Variants in CROCC2 observed in about 807,000 individuals in gnomAD.
CROCC2 encodes ciliary rootlet coiled-coil protein 2.
CROCC2 carries 163 observed loss-of-function variants against 177.6 expected under a neutral mutation model. The observed-to-expected ratio is 0.92, with a 90% CI of 0.81 to 1.05. The LOEUF is 1.05. CROCC2 is among the 50% of genes least tolerant of loss of function. CROCC2 has a pLI of 0.00. For synonymous variants in CROCC2, 904 were observed against 787.3 expected (o/e 1.15, Z -2.48); for missense variants, 1,929 against 1,797.8 (o/e 1.07, Z -1.32).
chr2:240,946,528 T>C (rs1394092645), intron 15 of CROCC2, among the ~76,000 whole-genome samples: 2 of 152,162 alleles, frequency 1.3e-5, no homozygotes, highest in Non-Finnish European at 2.9e-5. Flanking sequence ...AAGGCAGATG[T>C]GGAATGTCTT....
chr2:240,965,231 G>A, intron 22 of CROCC2, 150 bp from the exon 23 acceptor site: 3 of 1,175,884 alleles, frequency 2.6e-6, no homozygotes, highest in Non-Finnish European at 3.6e-6. Flanking sequence ...AACTCCCAGG[G>A]CAAGGTCCTT....
rs946441504 is a variant in CROCC2, at chr2:240,917,488, G to A, written c.79-1238G>A. ...GGGGACGCAAGCAGGGTCTCAGGGA[G>A]GGCCAAGAGATGGGAGGCAGGAGGC... On this transcript the variant is annotated intron_variant, in intron 1 of 31. Coordinates refer to ENST00000690015, the MANE Select transcript of CROCC2 (RefSeq NM_001351305.2). The surrounding 1 kb of genome is among the most constrained non-coding windows in gnomAD (Gnocchi z 4.9). Among the ~76,000 whole-genome samples, 1 of 152,176 alleles carries A rather than the reference G, an allele frequency of 6.6e-6. No homozygotes were observed. The highest frequency in any genetic ancestry group is 2.4e-5 in the African/African-American group (1 of 41,452).
Position 240,946,265 on chromosome 2 carries a change from C to T in CROCC2, c.2363+12C>T. On this transcript the variant is annotated intron_variant, in intron 15 of 31. Transcript: ENST00000690015. ...GCAGCTGATCTCAGGTATGCAAGGG[C>T]CTGCCAGTCAGGGCATGTCCCACGT... is the stretch of plus-strand genomic sequence containing the variant. 6.6e-7 allele frequency: 1 copy of T among 1,518,178 alleles called. No homozygotes were observed. Among genetic ancestry groups the T allele is most frequent in the Non-Finnish European group, 8.9e-7 (1 of 1,122,792 alleles). The allele number at this position is 1,518,178 out of a possible 1,614,324, so 94.0% of individuals were successfully genotyped here.
rs1221842056 is a variant in CROCC2, at chr2:240,982,724, G to A, written c.4402-156G>A. On this transcript the variant is annotated intron_variant, in intron 27 of 31. Transcript: ENST00000690015. This position sits in a 1 kb window ranked among gnomAD's most constrained non-coding sequence, Gnocchi z 4.7. The stretch of plus-strand genomic sequence containing the variant: ...TTGCAAACACAATCACCTGATCAAC[G>A]CACTTCAGGTTGTCCTTAACCACGT... 6.4e-6 allele frequency: 4 copies of A among 620,834 alleles called. No individual in the cohort carries two copies. Among genetic ancestry groups the A allele is most frequent in the Middle Eastern group, 4.4e-4 (1 of 2,276 alleles). The allele number at this position is 620,834 out of a possible 1,614,324, so 38.5% of individuals were successfully genotyped here. A position where few individuals can be genotyped will look rare whatever the true frequency, so the allele number is the denominator to read the frequency against.
At chr2:240,946,443 A>G (rs1403926282) in intron 15 of CROCC2, among the ~76,000 whole-genome samples, 190 bp downstream of exon 15, 1 of 152,248 alleles carries the variant, frequency 6.6e-6, no homozygotes, top group Non-Finnish European at 1.5e-5. Flanking sequence ...GGAAGAGGTC[A>G]ACCCAGTGAA....
chr2:240,991,441 T>C (rs1048160338), intron 31 of CROCC2, among the ~76,000 whole-genome samples, 163 bp downstream of exon 31: 2 of 152,156 alleles, frequency 1.3e-5, no homozygotes, highest in Admixed American at 1.3e-4. Flanking sequence ...AAAGCTCAAA[T>C]GGGGTGGGCA....
chr2:240,961,988 G>A (rs1349922904), intron 20 of CROCC2, among the ~76,000 whole-genome samples: 4 of 138,004 alleles, frequency 2.9e-5, no homozygotes, highest in African/African-American at 5.6e-5. Context: ...CACTTGCACC[G>A]GCCCACACAC....
chr2:240,946,297 GC>G, intron 15 of CROCC2, 44 bp downstream of exon 15: 1 of 1,481,884 alleles, frequency 6.7e-7, no homozygotes, highest in Non-Finnish European at 9.1e-7. Flanking sequence ...ACGTGTCCTT[GC>G]CCACAGAGAG....
intron 28 of CROCC2, among the ~76,000 whole-genome samples, chr2:240,984,090 G>A (rs2059820003): frequency 6.6e-6 from 1 of 152,158 alleles, no homozygotes; most frequent in African/African-American, 2.4e-5. Context: ...GTGAAGTGAC[G>A]GTCATCACCC....
In CROCC2 at chr2:240,964,565, G is replaced by T; in HGVS notation, c.3405G>T (p.Leu1135=). ...QQEASALRAH[L]WELEQAGGDA... ...AGGCCAGTGCACTGCGGGCCCACCT[G>T]TGGGAGCTGGAGCAGGCAGGGGGGG... The change falls in exon 22 of 32, where the codon CTG becomes CTT. Residue 1135 remains leucine (L), a synonymous_variant. Coordinates refer to ENST00000690015, the MANE Select transcript of CROCC2 (RefSeq NM_001351305.2). 1 of 1,549,660 alleles carries T rather than the reference G, an allele frequency of 6.5e-7. No individual in the cohort carries two copies. The highest frequency in any genetic ancestry group is 8.7e-7 in the Non-Finnish European group (1 of 1,146,828).
At chr2:240,989,508 T>A in intron 29 of CROCC2, 146 bp from the exon 30 acceptor site, 1 of 687,560 alleles carries the variant, frequency 1.5e-6, no homozygotes. Context: ...ACCCCAGGTC[T>A]GCTGGGCAGT....
chr2:240,985,623 C>CA, intron 28 of CROCC2, among the ~76,000 whole-genome samples: 1 of 108,102 alleles, frequency 9.3e-6, no homozygotes, highest in African/African-American at 3.7e-5. Context: ...GACACTCACT[C>CA]CACACACACC....
At chr2:240,910,929 G>A (rs1491001261) in intron 1 of CROCC2, among the ~76,000 whole-genome samples, 4 of 152,094 alleles carry the variant, frequency 2.6e-5, no homozygotes, top group Non-Finnish European at 5.9e-5. Flanking sequence ...TCAGGAGTTT[G>A]AGACCAGCCT....
chr2:240,985,595 T>C (rs1295955635), intron 28 of CROCC2, among the ~76,000 whole-genome samples: 2 of 87,314 alleles, frequency 2.3e-5, no homozygotes, highest in African/African-American at 4.6e-5. Context: ...ACCCAGGCAC[T>C]CACTCCACAC....
chr2:240,931,275 C>T, intron 7 of CROCC2, 147 bp downstream of exon 7: 1 of 592,990 alleles, frequency 1.7e-6, no homozygotes, highest in Non-Finnish European at 3.0e-6. Flanking sequence ...GCACACTCTT[C>T]AGAGTCACCA....
At position 240,960,210 on chromosome 2, in the gene CROCC2, C is replaced by T. The variant is rs2059622240; in HGVS notation, c.3087+766C>T. ...GAGGCACGGGGAGGCCCTAGACAAG[C>T]TGGGCTCTGCCCACACAGCAGGAGG... On this transcript the variant is annotated intron_variant, in intron 20 of 31. Transcript: ENST00000690015. This position sits in a 1 kb window ranked among gnomAD's most constrained non-coding sequence, Gnocchi z 5.0. 6.6e-6 allele frequency among the ~76,000 whole-genome samples: 1 copy of T among 152,268 alleles called. No individual in the cohort carries two copies. The highest frequency in any genetic ancestry group is 2.1e-4 in the South Asian group (1 of 4,832).
In CROCC2 at chr2:240,967,400, G is replaced by A. The variant is rs1039612835; in HGVS notation, c.4202G>A (p.Cys1401Tyr). 5.7e-5 allele frequency: 51 copies of A among 901,826 alleles called. No individual in the cohort carries two copies. In the Admixed American group the frequency reaches 1.0e-3, roughly 18 times the overall value. 55.9% of individuals were successfully genotyped at this position (901,826 alleles called of 1,614,324 possible). Residue 1401 changes from cysteine (C) to tyrosine (Y), a missense_variant, in exon 26 of 32, where the codon TGC (cysteine) becomes TAC (tyrosine). Coordinates refer to ENST00000690015, the MANE Select transcript of CROCC2 (RefSeq NM_001351305.2). ...AGCAGCCGGCTGAGCGAGGCAGAGT[G>A]CAGGTGTGCCCGGGCCCAGAGCCGC... ...TLSSRLSEAE[C>Y]RCARAQSRVG...
chr2:240,959,623 G>A (rs1468828076), intron 20 of CROCC2, 179 bp downstream of exon 20: 9 of 762,010 alleles, frequency 1.2e-5, no homozygotes, highest in African/African-American at 1.8e-5. Flanking sequence ...GGGACAAGGG[G>A]CCCTCACACC....
chr2:240,959,396 C>A lies in CROCC2; in HGVS notation c.3039C>A (p.Arg1013=). The part of the protein sequence containing the change: ...TAHQRETTAL[R]ESLQDLAAER... ...ATCAGAGGGAGACCACGGCCCTACG[C>A]GAGAGCCTCCAGGACCTAGCGGCTG... Residue 1013 remains arginine, a synonymous_variant, in exon 20 of 32, where the codon CGC becomes CGA. Coordinates refer to ENST00000690015, the MANE Select transcript of CROCC2 (RefSeq NM_001351305.2). 6.4e-7 allele frequency: 1 copy of A among 1,550,438 alleles called. No individual in the cohort carries two copies. Among genetic ancestry groups the A allele is most frequent in the East Asian group, 2.4e-5 (1 of 40,912 alleles).
Sources: allele counts gnomAD v4.1 joint callset (sites outside exome capture counted in the v4.1 genomes callset), GRCh38; gene constraint gnomAD v4.1.1; non-coding constraint Gnocchi (gnomAD v3.1); transcripts MANE v1.5; gene names NCBI Gene and HGNC (gene_info 2026-07-23, HGNC 2026-07-21).